The following SHC2 variants were observed in gnomAD, a reference collection of about 807,000 sequenced individuals.
SHC2 encodes the protein SHC-transforming protein 2.
SHC2 carries 62 observed loss-of-function variants against 60.6 expected under a neutral mutation model. The observed-to-expected ratio is 1.02, with a 90% CI of 0.83 to 1.26. SHC2 has a LOEUF of 1.26. Among genes scored for constraint, SHC2 ranks in the 50% most tolerant of loss-of-function variants. The probability of loss-of-function intolerance (pLI) is 0.00; values close to 1 mark genes in which losing one functional copy is unlikely to be tolerated. For synonymous variants in SHC2, 375 were observed against 372.4 expected, an observed-to-expected ratio of 1.01 and a Z score of -0.08; for missense variants, 873 against 822.2, an observed-to-expected ratio of 1.06 and a Z score of -0.76.
chr19:447,366 G>A (rs540867650), intron 1 of SHC2, among the ~76,000 whole-genome samples: 7 of 152,380 alleles, frequency 4.6e-5, no homozygotes, highest in African/African-American at 1.7e-4. Flanking sequence ...CCTGACGGGA[G>A]CGTCCTGGAA....
chr19:456,214 C>T (rs1029386612), intron 1 of SHC2, among the ~76,000 whole-genome samples: 8 of 152,174 alleles, frequency 5.3e-5, no homozygotes, highest in Non-Finnish European at 7.3e-5. Flanking sequence ...CTTGGCTATT[C>T]CCCTCCTTAA....
intron 1 of SHC2, among the ~76,000 whole-genome samples, chr19:442,070 C>T (rs1600304746): frequency 3.9e-5 from 6 of 152,288 alleles, no homozygotes; most frequent in East Asian, 1.9e-4. Context: ...GCTGTGATGA[C>T]GGGCAGGGGC....
chr19:429,621 GTGGATGA>G (rs1974515803), intron 9 of SHC2, among the ~76,000 whole-genome samples: 2 of 118,550 alleles, frequency 1.7e-5, no homozygotes, highest in Admixed American at 8.4e-5. Context: ...CTAATACCGT[GTGGATGA>G]CACAGTACCT....
In SHC2 at chr19:437,582, A is replaced by G. The variant is rs1027466456; in HGVS notation, c.721-899T>C. ...GCCAGGAGGGTCTGCTTGGAGCCTC[A>G]GTATCCTGTCCATATAGTGGTCAGG... On this transcript the variant is annotated intron_variant, in intron 4 of 12. Coordinates refer to ENST00000264554, the MANE Select transcript of SHC2 (RefSeq NM_012435.3). Among the ~76,000 whole-genome samples the G allele has an allele frequency of 3.3e-5, 5 of 152,058 alleles. No individual in the cohort carries two copies. The East Asian group carries it at 9.7e-4, about 29-fold the overall frequency.
intron 1 of SHC2, among the ~76,000 whole-genome samples, chr19:454,270 C>T (rs1457385804): frequency 2.0e-5 from 3 of 152,172 alleles, no homozygotes; most frequent in African/African-American, 7.2e-5. Context: ...TTCTGCTGGG[C>T]AGTGCCGGGC....
In SHC2 at chr19:441,686, C is replaced by T. The variant is rs140818910; in HGVS notation, c.469-754G>A. Among the ~76,000 whole-genome samples the T allele has an allele frequency of 4.8e-3, 738 of 152,298 alleles. 6 individuals carry two copies. The highest frequency in any genetic ancestry group is 0.017 in the African/African-American group (687 of 41,556). Reference sequence around the variant, plus strand: ...AGGAGCCGGGGAATGAAGGCTGACACGAACAGGTTTCCTACTGGGGTCATG... The same window carrying T: ...AGGAGCCGGGGAATGAAGGCTGACATGAACAGGTTTCCTACTGGGGTCATG... On this transcript the variant is annotated intron_variant, in intron 1 of 12. Transcript: ENST00000264554. The surrounding 1 kb of genome is among the most constrained non-coding windows in gnomAD (Gnocchi z 4.9).
intron 8 of SHC2, among the ~76,000 whole-genome samples, chr19:433,622 G>C (rs1404373207): frequency 1.8e-5 from 1 of 54,868 alleles, no homozygotes; most frequent in Non-Finnish European, 3.0e-5. Flanking sequence ...CAGATAGATG[G>C]CGCTTCATCG....
At chr19:439,393 C>A in intron 2 of SHC2, 1 of 301,028 alleles carries the variant, frequency 3.3e-6, no homozygotes, top group Non-Finnish European at 6.3e-6. Flanking sequence ...AAGGAAGGCT[C>A]GGCATCAGAT....
rs1974561565 is a variant in SHC2, at chr19:430,693, T to A, written c.1165A>T (p.Thr389Ser). Residue 389 changes from threonine to serine, a missense_variant, in exon 9 of 13, where the codon ACC (threonine) becomes TCC (serine). Coordinates refer to ENST00000264554, the MANE Select transcript of SHC2 (RefSeq NM_012435.3). ...CCCCAGCCCATCCTACCTGTACCGGTGGACCCCACGTCCCATGGCAGGCTG... is the reference window on the plus strand; with the variant it reads ...CCCCAGCCCATCCTACCTGTACCGGAGGACCCCACGTCCCATGGCAGGCTG... ...ACSLPWDVGS[T>S]GTAPPGDGYV... 1 of 1,612,790 alleles carries A rather than the reference T, an allele frequency of 6.2e-7. No homozygotes were observed. The highest frequency in any genetic ancestry group is 1.3e-5 in the African/African-American group (1 of 74,910).
rs1245816402 is a variant in SHC2 at position 425,565 on chromosome 19, G to A, written c.1175-334C>T. Among the ~76,000 whole-genome samples the A allele has an allele frequency of 4.6e-5, 7 of 152,204 alleles. No individual in the cohort carries two copies. Among genetic ancestry groups the A allele is most frequent in the Non-Finnish European group, 1.5e-5 (1 of 68,040 alleles). ...GGCCCTCCCCGGCCCAGGGTCCAGAGCTTCCCAGTGCGTGTATGTTCAGTC... is the reference window on the plus strand; with the variant it reads ...GGCCCTCCCCGGCCCAGGGTCCAGAACTTCCCAGTGCGTGTATGTTCAGTC... On this transcript the variant is annotated intron_variant, in intron 9 of 12. Coordinates refer to ENST00000264554, the MANE Select transcript of SHC2 (RefSeq NM_012435.3). The surrounding 1 kb of genome is among the most constrained non-coding windows in gnomAD (Gnocchi z 4.1).
chr19:445,144 A>G lies in SHC2; in HGVS notation c.469-4212T>C, dbSNP rs1975022569. 6.6e-6 allele frequency among the ~76,000 whole-genome samples: 1 copy of G among 152,234 alleles called. No individual in the cohort carries two copies. Among genetic ancestry groups the G allele is most frequent in the Non-Finnish European group, 1.5e-5 (1 of 68,050 alleles). ...CAGGGCTTTTCTGTGAAATTCTCCC[A>G]GTTTGTAAATATCGATCTAGGGCTG... On this transcript the variant is annotated intron_variant, in intron 1 of 12. Coordinates refer to ENST00000264554, the MANE Select transcript of SHC2 (RefSeq NM_012435.3). The surrounding 1 kb of genome is among the most constrained non-coding windows in gnomAD (Gnocchi z 4.4).
In SHC2 at chr19:440,873, C is replaced by T. The variant is rs371075131; in HGVS notation, c.528G>A (p.Thr176=). ...SMRSLDFNTR[T]QVTREAINRL... ...GGTTGGAGGCTCACCTGGTCACCTG[C>T]GTGCGCGTGTTAAAGTCCAGGGAGC... Residue 176 remains threonine (T), a synonymous_variant, in exon 2 of 13, where the codon ACG becomes ACA. Coordinates refer to ENST00000264554, the MANE Select transcript of SHC2 (RefSeq NM_012435.3). This position sits in a 1 kb window ranked among gnomAD's most constrained non-coding sequence, Gnocchi z 7.0. 4.8e-5 allele frequency: 78 copies of T among 1,612,558 alleles called. No individual in the cohort carries two copies. Among genetic ancestry groups the T allele is most frequent in the Middle Eastern group, 1.6e-4 (1 of 6,082 alleles).
chr19:458,770 G>T (rs1240109283), intron 1 of SHC2, among the ~76,000 whole-genome samples: 53 of 139,826 alleles, frequency 3.8e-4, no homozygotes, highest in South Asian at 2.4e-3. Context: ...GGAGGCGGAG[G>T]CGGGTTCCGG....
Position 422,592 on chromosome 19 carries a change from C to T in SHC2, c.1310-136G>A, listed in dbSNP as rs1129192. 0.5 allele frequency: 350,522 copies of T among 696,198 alleles called. 89,399 individuals are homozygous for T. Among genetic ancestry groups the T allele is most frequent in the Non-Finnish European group, 0.53 (223,867 of 423,584 alleles). 43.1% of individuals were successfully genotyped at this position (696,198 alleles called of 1,614,324 possible). A position where few individuals can be genotyped will look rare whatever the true frequency, so the allele number is the denominator to read the frequency against. On this transcript the variant is annotated intron_variant, in intron 10 of 12. Coordinates refer to ENST00000264554, the MANE Select transcript of SHC2 (RefSeq NM_012435.3). This position sits in a 1 kb window ranked among gnomAD's most constrained non-coding sequence, Gnocchi z 5.0. Reference sequence around the variant, plus strand: ...GCCTGCGCTGACCGAGCGCCCACAGCGTATCAGACTCGCACTCTGCCCAGC... The same window carrying T: ...GCCTGCGCTGACCGAGCGCCCACAGTGTATCAGACTCGCACTCTGCCCAGC...
chr19:441,589 A>C lies in SHC2; in HGVS notation c.469-657T>G, dbSNP rs965179669. 6.6e-6 allele frequency among the ~76,000 whole-genome samples: 1 copy of C among 151,920 alleles called. No individual in the cohort carries two copies. Among genetic ancestry groups the C allele is most frequent in the African/African-American group, 2.4e-5 (1 of 41,362 alleles). The stretch of plus-strand genomic sequence containing the variant: ...TCCAACGTTGGCCCTTGCTGGAGGG[A>C]GGGTAAGGGGCACAGCCCACGTCAT... On this transcript the variant is annotated intron_variant, in intron 1 of 12. Coordinates refer to ENST00000264554, the MANE Select transcript of SHC2 (RefSeq NM_012435.3). This position sits in a 1 kb window ranked among gnomAD's most constrained non-coding sequence, Gnocchi z 4.9.
chr19:438,877 G>T lies in SHC2; in HGVS notation c.601-40C>A. 2 of 1,554,084 alleles carry T rather than the reference G, an allele frequency of 1.3e-6. No homozygotes were observed. The highest frequency in any genetic ancestry group is 1.7e-6 in the Non-Finnish European group (2 of 1,148,778). On this transcript the variant is annotated intron_variant, in intron 3 of 12. Transcript: ENST00000264554. This position sits in a 1 kb window ranked among gnomAD's most constrained non-coding sequence, Gnocchi z 5.0. ...GAGCACAGCGAGGGCGGCTGTGGGT[G>T]GGGGCTGTCGAGGGGCTCCCAGGAT...
intron 1 of SHC2, among the ~76,000 whole-genome samples, chr19:459,534 T>C (rs866062555): frequency 7.1e-6 from 1 of 141,036 alleles, no homozygotes; most frequent in African/African-American, 2.7e-5. Flanking sequence ...CAACTCAGTG[T>C]AGAGGGAAGG....
At chr19:454,955 C>T (rs2079881) in intron 1 of SHC2, among the ~76,000 whole-genome samples, 1 of 152,310 alleles carries the variant, frequency 6.6e-6, no homozygotes, top group East Asian at 1.9e-4. Flanking sequence ...CTCGTCTCTG[C>T]CCCTCTCATC....
intron 1 of SHC2, among the ~76,000 whole-genome samples, chr19:450,878 C>T (rs1451964286): frequency 2.1e-4 from 28 of 134,808 alleles, no homozygotes; most frequent in African/African-American, 3.5e-4. Context: ...TGGATGGCCA[C>T]GCCGTGGCCA....
Sources: gnomAD v4.1 joint callset for allele counts (sites outside exome capture counted in the v4.1 genomes callset) on GRCh38, gnomAD v4.1.1 for gene constraint, Gnocchi (gnomAD v3.1) non-coding constraint, MANE v1.5 for transcripts, NCBI Gene and HGNC (gene_info 2026-07-23, HGNC 2026-07-21) for gene names.